Variants in GRIK4 observed in about 807,000 individuals in gnomAD.
GRIK4 encodes the protein glutamate receptor ionotropic, kainate 4.
GRIK4 carries 40 observed loss-of-function variants against 104.9 expected under a neutral mutation model. The observed-to-expected ratio is 0.38, with a 90% CI of 0.30 to 0.50. The LOEUF (loss-of-function observed/expected upper bound fraction) is 0.50. Among genes scored for constraint, GRIK4 ranks in the 20% least tolerant of loss-of-function variants. The pLI is 0.93. For synonymous variants in GRIK4, 485 were observed against 524.9 expected, an observed-to-expected ratio of 0.92 and a Z score of 1.04; for missense variants, 1,047 against 1,308.1, an observed-to-expected ratio of 0.80 and a Z score of 3.08.
intron 3 of GRIK4, among the ~76,000 whole-genome samples, chr11:120,747,532 A>T (rs919876295): frequency 3.3e-5 from 5 of 152,248 alleles, no homozygotes; most frequent in Non-Finnish European, 5.9e-5. Flanking sequence ...GTGTTAAGGT[A>T]GTTTGAGGCT....
chr11:120,898,500 T>G (rs764841121), intron 11 of GRIK4, 32 bp from the exon 12 acceptor site: 6 of 1,279,648 alleles, frequency 4.7e-6, no homozygotes, highest in Non-Finnish European at 6.9e-6. Context: ...AGGCCACCAT[T>G]TCTTCCCAGT....
intron 3 of GRIK4, among the ~76,000 whole-genome samples, chr11:120,734,320 G>C (rs902276128): frequency 1.3e-5 from 2 of 152,086 alleles, no homozygotes; most frequent in African/African-American, 2.4e-5. Flanking sequence ...TATTATTCTA[G>C]GGTAAAAGTT....
rs889832202 is a variant in GRIK4, at chr11:120,889,085, A to G, written c.1165-9447A>G. 2.0e-5 allele frequency among the ~76,000 whole-genome samples: 3 copies of G among 152,166 alleles called. No homozygotes were observed. In the South Asian group the frequency reaches 6.2e-4, roughly 32 times the overall value. On this transcript the variant is annotated intron_variant, in intron 11 of 20. Transcript: ENST00000527524. ...GCTACTAGAATGCAGCCTTTGGCCAACTTCAGCATCTCCCTTTGTTCCCCA... is the reference window on the plus strand; with the variant it reads ...GCTACTAGAATGCAGCCTTTGGCCAGCTTCAGCATCTCCCTTTGTTCCCCA...
At chr11:120,880,274 A>G (rs907491532) in intron 11 of GRIK4, among the ~76,000 whole-genome samples, 2 of 152,238 alleles carry the variant, frequency 1.3e-5, no homozygotes, top group African/African-American at 4.8e-5. Context: ...AGCCGGCTCT[A>G]CTGACATAGT....
intron 4 of GRIK4, among the ~76,000 whole-genome samples, chr11:120,811,461 T>C (rs1221514256): frequency 6.6e-6 from 1 of 152,224 alleles, no homozygotes; most frequent in Non-Finnish European, 1.5e-5. Flanking sequence ...CTTTAATTTC[T>C]CTCTGTTGAT....
chr11:120,937,949 T>C (rs1591306572), intron 13 of GRIK4, among the ~76,000 whole-genome samples: 1 of 152,222 alleles, frequency 6.6e-6, no homozygotes, highest in East Asian at 1.9e-4. Context: ...TTGTTGACTT[T>C]GGTTAATTGA....
chr11:120,586,780 A>G (rs1217339159), intron 1 of GRIK4, among the ~76,000 whole-genome samples: 1 of 152,150 alleles, frequency 6.6e-6, no homozygotes, highest in Non-Finnish European at 1.5e-5. Flanking sequence ...GATTTGATCA[A>G]GCCCCAGGGT....
At chr11:120,588,823 C>T (rs773584295) in intron 1 of GRIK4, among the ~76,000 whole-genome samples, 1 of 152,254 alleles carries the variant, frequency 6.6e-6, no homozygotes, top group African/African-American at 2.4e-5. Flanking sequence ...TTTGTGATAA[C>T]CAAGCACAAT....
intron 14 of GRIK4, among the ~76,000 whole-genome samples, chr11:120,944,406 C>T (rs980518863): frequency 6.6e-6 from 1 of 152,178 alleles, no homozygotes; most frequent in Non-Finnish European, 1.5e-5. Flanking sequence ...GGACGTCTCA[C>T]AGGCACCCCA....
At chr11:120,648,516 G>A (rs1411534772) in intron 1 of GRIK4, among the ~76,000 whole-genome samples, 1 of 152,184 alleles carries the variant, frequency 6.6e-6, no homozygotes, top group African/African-American at 2.4e-5. Context: ...GATCCTGGTT[G>A]GAGGAGTGCA....
rs78060990 is a variant in GRIK4 at position 120,893,000 on chromosome 11, G to T, written c.1165-5532G>T. 2.0e-3 allele frequency among the ~76,000 whole-genome samples: 307 copies of T among 152,318 alleles called. 2 individuals are homozygous for T. Among genetic ancestry groups the T allele is most frequent in the African/African-American group, 7.1e-3 (297 of 41,566 alleles). ...ACTACGAGAAAGCAGACAAATTAAC[G>T]TATAAAAGCGCAGAACTGCAGGCAG... On this transcript the variant is annotated intron_variant, in intron 11 of 20. Coordinates refer to ENST00000527524, the MANE Select transcript of GRIK4 (RefSeq NM_014619.5).
intron 9 of GRIK4, chr11:120,871,064 A>C (rs1291310615): frequency 6.5e-6 from 1 of 154,852 alleles, no homozygotes; most frequent in Non-Finnish European, 1.4e-5. Flanking sequence ...GTTGTCTTCT[A>C]GAATTTCTTC....
At chr11:120,592,968 A>G (rs1948753047) in intron 1 of GRIK4, among the ~76,000 whole-genome samples, 1 of 152,136 alleles carries the variant, frequency 6.6e-6, no homozygotes, top group Non-Finnish European at 1.5e-5. Flanking sequence ...AGATCACCTG[A>G]GGTCAGGAGT....
At chr11:120,675,030 G>C (rs1445407809) in intron 3 of GRIK4, among the ~76,000 whole-genome samples, 1 of 152,274 alleles carries the variant, frequency 6.6e-6, no homozygotes, top group Non-Finnish European at 1.5e-5. Context: ...TTGAATGCCA[G>C]TTTCCCCTGT....
intron 1 of GRIK4, among the ~76,000 whole-genome samples, chr11:120,652,620 G>A (rs1949635742): frequency 6.6e-6 from 1 of 151,326 alleles, no homozygotes; most frequent in South Asian, 2.1e-4. Context: ...TTTTTTTGAG[G>A]AGCCTGGAGC....
chr11:120,780,991 C>T (rs542494358), intron 3 of GRIK4, among the ~76,000 whole-genome samples: 25 of 152,306 alleles, frequency 1.6e-4, no homozygotes, highest in Admixed American at 7.2e-4. Flanking sequence ...ATCTGCCTGC[C>T]TCGGCCTCCC....
At chr11:120,710,511 T>G (rs568744404) in intron 3 of GRIK4, among the ~76,000 whole-genome samples, 2 of 152,278 alleles carry the variant, frequency 1.3e-5, no homozygotes, top group African/African-American at 4.8e-5. Context: ...TCTGTGGGCA[T>G]AACGGCCCCC....
Position 120,728,809 on chromosome 11 carries a change from T to C in GRIK4, c.82+68409T>C, listed in dbSNP as rs557183370. On this transcript the variant is annotated intron_variant, in intron 3 of 20. Transcript: ENST00000527524. ...TTTTAAATGTACAATTAAATTATTA[T>C]TGACTATAGTCACCCTGTTGTGCTA... Among the ~76,000 whole-genome samples, 8 of 152,220 alleles carry C rather than the reference T, an allele frequency of 5.3e-5. No individual in the cohort carries two copies. In the South Asian group the frequency reaches 6.2e-4, roughly 12 times the overall value.
At chr11:120,791,741 AT>A (rs571566611) in intron 3 of GRIK4, among the ~76,000 whole-genome samples, 85 of 152,028 alleles carry the variant, frequency 5.6e-4, no homozygotes, top group Admixed American at 1.6e-3. Context: ...TCTATGGTCC[AT>A]TTTTTTTGTT....
Sources: gnomAD v4.1 joint callset for allele counts (sites outside exome capture counted in the v4.1 genomes callset) on GRCh38, gnomAD v4.1.1 for gene constraint, MANE v1.5 for transcripts, NCBI Gene and HGNC (gene_info 2026-07-23, HGNC 2026-07-21) for gene names.